The following PCDHGA9 variants were observed in gnomAD, a reference collection of about 807,000 sequenced individuals.
PCDHGA9 encodes protocadherin gamma-A9.
In PCDHGA9, 37 loss-of-function variants were observed where a neutral mutation model predicts 62.5. The ratio of observed to expected loss-of-function variants is 0.59; its 90% CI spans 0.46 to 0.78. PCDHGA9 has a LOEUF of 0.78. PCDHGA9 is among the 30% of genes least tolerant of loss of function. The pLI, the probability that PCDHGA9 is intolerant of heterozygous loss-of-function variation, is 0.00. For missense variants in PCDHGA9, 1,138 were observed against 1,166.2 expected (o/e 0.98, Z 0.35); for synonymous variants, 459 against 484.6 (o/e 0.95, Z 0.69).
chr5:141,443,064 G>A (rs76234738), intron 1 of PCDHGA9, among the ~76,000 whole-genome samples: 48 of 152,264 alleles, frequency 3.2e-4, no homozygotes, highest in African/African-American at 1.1e-3. Context: ...ACTGAAGAGC[G>A]TCTTATGACT....
At chr5:141,434,658 T>C (rs1243599957) in intron 1 of PCDHGA9, among the ~76,000 whole-genome samples, 2 of 152,198 alleles carry the variant, frequency 1.3e-5, no homozygotes, top group African/African-American at 2.4e-5. Flanking sequence ...ATCTAATATC[T>C]ATAGAAATGA....
intron 1 of PCDHGA9, chr5:141,439,852 G>A (rs182049678): frequency 1.3e-5 from 2 of 152,474 alleles, no homozygotes; most frequent in African/African-American, 4.8e-5. Context: ...CTGTGGAAAA[G>A]GTGGGGAATG....
intron 1 of PCDHGA9, among the ~76,000 whole-genome samples, chr5:141,483,755 G>A (rs2099586573): frequency 6.6e-6 from 1 of 152,130 alleles, no homozygotes. Flanking sequence ...TGAGGATCGA[G>A]GCTTGGAAAA....
intron 1 of PCDHGA9, among the ~76,000 whole-genome samples, chr5:141,434,579 A>T (rs931282309): frequency 6.6e-6 from 1 of 152,232 alleles, no homozygotes; most frequent in African/African-American, 2.4e-5. Context: ...CCTGCTGCAG[A>T]TAACTACCTC....
In PCDHGA9 at chr5:141,405,118, G is replaced by T. The variant is rs368800698; in HGVS notation, c.2166G>T (p.Ser722=). ...TCAGGCTGAGGCACTGGCACTCCTC[G>T]CATCTGCTGCGGGCTACCAGTGATG... ...LALRLRHWHS[S]HLLRATSDGL... Residue 722 remains serine (S), a synonymous_variant, in exon 1 of 4, where the codon TCG becomes TCT. Coordinates refer to ENST00000573521, the MANE Select transcript of PCDHGA9 (RefSeq NM_018921.3). 1 of 1,613,946 alleles carries T rather than the reference G, an allele frequency of 6.2e-7. No individual in the cohort carries two copies. The highest frequency in any genetic ancestry group is 8.5e-7 in the Non-Finnish European group (1 of 1,179,876).
At chr5:141,413,468 A>C in intron 1 of PCDHGA9, 1 of 1,614,072 alleles carries the variant, frequency 6.2e-7, no homozygotes, top group South Asian at 1.1e-5. Context: ...GACCGGGAGG[A>C]GCTCTGCGCT....
rs1269660369 is a variant in PCDHGA9 at position 141,408,454 on chromosome 5, A to T, written c.2424+3078A>T. On this transcript the variant is annotated intron_variant, in intron 1 of 3. Transcript: ENST00000573521. ...GCGTAGACGCGGAGAGCGGGGACTT[A>T]CTTGTGAAGAACCGAATAGACCGTG... The T allele has an allele frequency of 4.3e-6, 7 of 1,613,934 alleles. No homozygotes were observed. The African/African-American group carries it at 9.3e-5, about 22-fold the overall frequency.
chr5:141,438,288 G>C (rs752722248), intron 1 of PCDHGA9, among the ~76,000 whole-genome samples: 18 of 151,902 alleles, frequency 1.2e-4, no homozygotes, highest in Non-Finnish European at 2.1e-4. Flanking sequence ...AATTTAATCT[G>C]TATGTAAAAG....
intron 2 of PCDHGA9, among the ~76,000 whole-genome samples, chr5:141,502,725 G>A (rs1020846462): frequency 2.0e-5 from 3 of 152,150 alleles, no homozygotes; most frequent in Non-Finnish European, 4.4e-5. Context: ...ATTACAAAGC[G>A]GTGATGTTCT....
intron 1 of PCDHGA9, among the ~76,000 whole-genome samples, chr5:141,438,579 CATACATACATACAT>C (rs1434774868): frequency 9.0e-5 from 5 of 55,782 alleles, no homozygotes; most frequent in Admixed American, 2.8e-4. Context: ...GATATACATA[CATACATACATACAT>C]ATATATATAT....
At chr5:141,441,878 TG>T in intron 1 of PCDHGA9, 1 of 343,708 alleles carries the variant, frequency 2.9e-6, no homozygotes, top group Non-Finnish European at 5.6e-6. Context: ...CCTGGCTACC[TG>T]GTCACCAAGG....
chr5:141,496,916 T>C (rs1252437822), intron 2 of PCDHGA9, among the ~76,000 whole-genome samples: 4 of 148,274 alleles, frequency 2.7e-5, no homozygotes, highest in African/African-American at 9.9e-5. Context: ...CTGGGCACTG[T>C]GGTTCACGCC....
At chr5:141,410,097 T>G (rs745439318) in intron 1 of PCDHGA9, 3 of 1,612,664 alleles carry the variant, frequency 1.9e-6, no homozygotes, top group Non-Finnish European at 2.5e-6. Context: ...GCTCGAGCCT[T>G]AGGCGACAGG....
intron 1 of PCDHGA9, among the ~76,000 whole-genome samples, chr5:141,458,988 C>G (rs996478276): frequency 6.6e-6 from 1 of 152,208 alleles, no homozygotes; most frequent in African/African-American, 2.4e-5. Flanking sequence ...CTGCCTCACC[C>G]TCCCAAAGTG....
At position 141,434,771 on chromosome 5, in the gene PCDHGA9, TA is replaced by T. The variant is rs36031641; in HGVS notation, c.2424+29408del. On this transcript the variant is annotated intron_variant, in intron 1 of 3. Transcript: ENST00000573521. ...CCCCTGATTCCCCACTTCACACTTC[TA>T]AAAAAAAAAAAATTTTTTTTTCTGA... 2.5e-3 allele frequency among the ~76,000 whole-genome samples: 362 copies of T among 145,286 alleles called. 1 individual carries two copies. The highest frequency in any genetic ancestry group is 0.011 in the Middle Eastern group (3 of 280).
At position 141,405,145 on chromosome 5, in the gene PCDHGA9, G is replaced by A. The variant is rs772542898; in HGVS notation, c.2193G>A (p.Gly731=). The change falls in exon 1 of 4, where the codon GGG becomes GGA. Residue 731 remains glycine, a synonymous_variant. Coordinates refer to ENST00000573521, the MANE Select transcript of PCDHGA9 (RefSeq NM_018921.3). ...ATCTGCTGCGGGCTACCAGTGATGG[G>A]TTGGCTGGTGTGCCCACCTCACACT... ...SSHLLRATSD[G]LAGVPTSHFV... is the part of the protein sequence containing the mutation. 2.5e-6 allele frequency: 4 copies of A among 1,613,952 alleles called. No individual in the cohort carries two copies. The highest frequency in any genetic ancestry group is 2.7e-5 in the African/African-American group (2 of 74,942).
chr5:141,482,645 G>A (rs1267966412), intron 1 of PCDHGA9, among the ~76,000 whole-genome samples: 1 of 152,120 alleles, frequency 6.6e-6, no homozygotes, highest in Admixed American at 6.5e-5. Context: ...TAGAGGTGGT[G>A]ATGCTTGAGC....
At chr5:141,408,527 G>A in intron 1 of PCDHGA9, 1 of 1,614,072 alleles carries the variant, frequency 6.2e-7, no homozygotes, top group South Asian at 1.1e-5. Flanking sequence ...ATTGGAAGCT[G>A]TGGTGGAAAA....
intron 1 of PCDHGA9, chr5:141,422,122 A>G (rs758254144): frequency 6.2e-7 from 1 of 1,601,596 alleles, no homozygotes; most frequent in African/African-American, 1.4e-5. Context: ...GGATTCACAA[A>G]CTGGAGAAGT....
Sources: gnomAD v4.1 joint callset for allele counts (sites outside exome capture counted in the v4.1 genomes callset) on GRCh38, gnomAD v4.1.1 for gene constraint, MANE v1.5 for transcripts, NCBI Gene and HGNC (gene_info 2026-07-23, HGNC 2026-07-21) for gene names.